Variants in MATN2 observed in about 807,000 individuals in gnomAD.
The protein encoded by MATN2 is matrilin 2.
Under a neutral mutation model 103.2 loss-of-function variants are expected in MATN2, and 69 were observed. The ratio of observed to expected loss-of-function variants is 0.67; its 90% CI spans 0.55 to 0.82. MATN2 has a LOEUF of 0.82. Ranked by LOEUF, MATN2 falls within the 40% of genes least tolerant of loss-of-function variation. The pLI, the probability that MATN2 is intolerant of heterozygous loss-of-function variation, is 0.00. For missense variants in MATN2, 1,023 were observed against 1,211.5 expected (o/e 0.84, Z 2.31); for synonymous variants, 429 against 450.2 (o/e 0.95, Z 0.60).
intron 1 of MATN2, among the ~76,000 whole-genome samples, chr8:97,879,291 G>T (rs1456023020): frequency 6.6e-6 from 1 of 152,190 alleles, no homozygotes; most frequent in East Asian, 1.9e-4. Context: ...GGATGGAGGC[G>T]CCCCGCTATG....
chr8:97,941,684 GGA>G (rs1237700397), intron 3 of MATN2, 91 bp from the exon 4 acceptor site: 2 of 1,409,176 alleles, frequency 1.4e-6, no homozygotes, highest in Non-Finnish European at 1.9e-6. Context: ...CCTGCCCAGA[GGA>G]GAGAGTAGGC....
In MATN2 at chr8:98,032,251, G is replaced by C; in HGVS notation, c.2515G>C (p.Glu839Gln). Reference protein sequence around the residue: ...KLKKGICEALEDSDGRQDSPA... With the variant: ...KLKKGICEALQDSDGRQDSPA... ...GGTCATCTTTTTCTGCTCAGCTCTA[G>C]AAGACTCCGATGGAAGACAGGACTC... Residue 839 changes from glutamate (E) to glutamine (Q), a missense_variant, in exon 16 of 19, where the codon GAA becomes CAA. Physicochemically the swap from Glu to Gln is conservative, Grantham distance 29 (BLOSUM62 2). Transcript: ENST00000254898. The C allele has an allele frequency of 6.2e-7, 1 of 1,610,782 alleles. No individual in the cohort carries two copies. The highest frequency in any genetic ancestry group is 8.5e-7 in the Non-Finnish European group (1 of 1,178,446).
chr8:97,961,330 C>T, intron 4 of MATN2, 78 bp from the exon 5 acceptor site: 1 of 1,433,692 alleles, frequency 7.0e-7, no homozygotes, highest in South Asian at 1.5e-5. Flanking sequence ...CTCTGGAGTT[C>T]CCTGTTGCCT....
At chr8:97,895,085 T>C (rs1161765293) in intron 2 of MATN2, among the ~76,000 whole-genome samples, 2 of 152,030 alleles carry the variant, frequency 1.3e-5, no homozygotes, top group Non-Finnish European at 2.9e-5. Context: ...GTTGGCCAGG[T>C]TGGTCTCAAA....
chr8:97,902,692 G>A (rs1819029806), intron 2 of MATN2, among the ~76,000 whole-genome samples: 1 of 152,016 alleles, frequency 6.6e-6, no homozygotes, highest in Non-Finnish European at 1.5e-5. Context: ...TTTTGTAGAA[G>A]ATCTTCACAG....
At chr8:97,923,165 C>G (rs934735490) in intron 2 of MATN2, among the ~76,000 whole-genome samples, 2 of 151,320 alleles carry the variant, frequency 1.3e-5, no homozygotes, top group African/African-American at 4.9e-5. Flanking sequence ...TAGCTCATTA[C>G]GATCATGGCT....
In MATN2 at chr8:97,900,951, G is replaced by C. The variant is rs1818961342; in HGVS notation, c.142+12709G>C. On this transcript the variant is annotated intron_variant, in intron 2 of 18. Transcript: ENST00000254898. ...CTCTGTCCCCGCCCCCCCAAAAAAAGATATACTGAGAACCCTTTTATTCCA... is the reference window on the plus strand; with the variant it reads ...CTCTGTCCCCGCCCCCCCAAAAAAACATATACTGAGAACCCTTTTATTCCA... Among the ~76,000 whole-genome samples, 7 of 152,086 alleles carry C rather than the reference G, an allele frequency of 4.6e-5. No homozygotes were observed. In the South Asian group the frequency reaches 1.5e-3, roughly 32 times the overall value.
At chr8:97,872,939 A>G (rs1172899472) in intron 1 of MATN2, among the ~76,000 whole-genome samples, 8 of 152,012 alleles carry the variant, frequency 5.3e-5, no homozygotes, top group Admixed American at 5.2e-4. Context: ...GATTACAGCC[A>G]TGAGCTACCA....
At chr8:97,894,662 T>G (rs1180160141) in intron 2 of MATN2, among the ~76,000 whole-genome samples, 1 of 152,112 alleles carries the variant, frequency 6.6e-6, no homozygotes, top group Non-Finnish European at 1.5e-5. Flanking sequence ...TCTTGGGGAA[T>G]CACAGTGTAT....
intron 10 of MATN2, among the ~76,000 whole-genome samples, chr8:98,011,348 C>A (rs1306097549): frequency 1.3e-5 from 2 of 152,122 alleles, no homozygotes; most frequent in Non-Finnish European, 2.9e-5. Context: ...GGGGAGGGGA[C>A]CACCCTCACT....
At chr8:97,877,258 A>G (rs932192596) in intron 1 of MATN2, among the ~76,000 whole-genome samples, 1 of 151,962 alleles carries the variant, frequency 6.6e-6, no homozygotes, top group Admixed American at 6.6e-5. Context: ...CGGGCGGATC[A>G]TCTGAGGTTG....
intron 6 of MATN2, among the ~76,000 whole-genome samples, chr8:97,988,380 C>A (rs1812277362): frequency 6.6e-6 from 1 of 151,364 alleles, no homozygotes; most frequent in Non-Finnish European, 1.5e-5. Context: ...AATCCCAGAA[C>A]TTTGGGAGGC....
intron 1 of MATN2, among the ~76,000 whole-genome samples, chr8:97,877,244 G>A (rs10090756): frequency 0.078 from 11,775 of 151,852 alleles, 1,245 homozygotes; most frequent in African/African-American, 0.24. Context: ...TTGGGAGGCC[G>A]AGGCGGGCGG....
intron 5 of MATN2, among the ~76,000 whole-genome samples, chr8:97,972,606 A>G (rs1428922998): frequency 6.6e-6 from 1 of 152,262 alleles, no homozygotes; most frequent in East Asian, 1.9e-4. Context: ...ATTCCCTTGC[A>G]GACGGAGTCC....
At chr8:97,882,690 C>T (rs1020219594) in intron 1 of MATN2, among the ~76,000 whole-genome samples, 1 of 152,122 alleles carries the variant, frequency 6.6e-6, no homozygotes, top group Admixed American at 6.6e-5. Flanking sequence ...ACCACCGTGC[C>T]GAGCCAAGGT....
At chr8:98,026,178 C>CAAAAAAAA (rs71271184) in intron 13 of MATN2, among the ~76,000 whole-genome samples, 9 of 109,722 alleles carry the variant, frequency 8.2e-5, no homozygotes, top group Middle Eastern at 5.8e-3. Flanking sequence ...GACTCAATCT[C>CAAAAAAAA]AAAAAAAAAA....
Position 97,912,144 on chromosome 8 carries a change from G to A in MATN2, c.143-18809G>A, listed in dbSNP as rs372950550. Among the ~76,000 whole-genome samples, 39 of 152,304 alleles carry A rather than the reference G, an allele frequency of 2.6e-4. No homozygotes were observed. The East Asian group carries it at 5.6e-3, about 22-fold the overall frequency. ...TGTAACAGGGAAATTGAATCCAGTC[G>A]TTCAAGTCCTTTTTCAGCCTTCAAA... On this transcript the variant is annotated intron_variant, in intron 2 of 18. Transcript: ENST00000254898.
intron 10 of MATN2, among the ~76,000 whole-genome samples, chr8:98,011,430 G>A (rs958316033): frequency 3.3e-5 from 5 of 152,160 alleles, no homozygotes; most frequent in Non-Finnish European, 7.4e-5. Context: ...TGTGGGAAAC[G>A]GACACATGGA....
intron 1 of MATN2, among the ~76,000 whole-genome samples, chr8:97,882,599 C>T (rs1358266026): frequency 3.3e-5 from 5 of 151,920 alleles, no homozygotes; most frequent in Non-Finnish European, 7.4e-5. Flanking sequence ...GATGGGATTT[C>T]GCCATGTTGC....
Sources: gnomAD v4.1 joint callset for allele counts (sites outside exome capture counted in the v4.1 genomes callset) on GRCh38, gnomAD v4.1.1 for gene constraint, MANE v1.5 for transcripts, NCBI Gene and HGNC (gene_info 2026-07-23, HGNC 2026-07-21) for gene names.